Variants in MAP3K5 observed in about 807,000 individuals in gnomAD.
MAP3K5 encodes ASK-1.
In MAP3K5, 56 loss-of-function variants were observed where a neutral mutation model predicts 158.7. That is an observed-to-expected ratio of 0.35 (90% CI 0.28 to 0.44). MAP3K5 has a LOEUF of 0.44. Among genes scored for constraint, MAP3K5 ranks in the 20% least tolerant of loss-of-function variants. The probability of loss-of-function intolerance (pLI) is 1.00; values close to 1 mark genes in which losing one functional copy is unlikely to be tolerated. For missense variants in MAP3K5, 1,294 were observed against 1,674.8 expected, an observed-to-expected ratio of 0.77 and a Z score of 3.97; for synonymous variants, 579 against 601.7, an observed-to-expected ratio of 0.96 and a Z score of 0.55.
At chr6:136,581,442 TA>T (rs561521751) in intron 24 of MAP3K5, among the ~76,000 whole-genome samples, 1 of 152,164 alleles carries the variant, frequency 6.6e-6, no homozygotes, top group South Asian at 2.1e-4. Flanking sequence ...CACAGACCTC[TA>T]AAAAAAGAGG....
chr6:136,691,147 T>C (rs1305371433), intron 7 of MAP3K5, among the ~76,000 whole-genome samples: 1 of 152,222 alleles, frequency 6.6e-6, no homozygotes, highest in Non-Finnish European at 1.5e-5. Flanking sequence ...GAGATAATTT[T>C]CTTTGATATT....
intron 8 of MAP3K5, among the ~76,000 whole-genome samples, chr6:136,660,139 C>A (rs924526575): frequency 2.6e-5 from 4 of 151,948 alleles, no homozygotes; most frequent in Non-Finnish European, 5.9e-5. Flanking sequence ...AAAATCTTAC[C>A]TTTTTTACGC....
In MAP3K5 at chr6:136,584,022, A is replaced by G. The variant is rs140361457; in HGVS notation, c.3226-282T>C. ...TCTCCAAAGGAAAGACCATATTTTG[A>G]ACTATATGGCACCTCTTCAATCCTC... On this transcript the variant is annotated intron_variant, in intron 23 of 29. Coordinates refer to ENST00000359015, the MANE Select transcript of MAP3K5 (RefSeq NM_005923.4). Among the ~76,000 whole-genome samples the G allele has an allele frequency of 5.8e-4, 88 of 152,262 alleles. 1 individual carries two copies. In the Middle Eastern group the frequency reaches 0.014, roughly 24 times the overall value.
chr6:136,738,677 G>A (rs1380092634), intron 1 of MAP3K5, among the ~76,000 whole-genome samples: 6 of 152,034 alleles, frequency 3.9e-5, no homozygotes, highest in South Asian at 4.1e-4. Context: ...TGTAGCATTC[G>A]CTTCTATATG....
intron 7 of MAP3K5, among the ~76,000 whole-genome samples, chr6:136,679,360 T>C (rs943204989): frequency 6.6e-6 from 1 of 152,256 alleles, no homozygotes; most frequent in Non-Finnish European, 1.5e-5. Context: ...AAGTTCTTGC[T>C]ATTTTTCCTT....
chr6:136,751,643 G>A (rs1214174586), intron 1 of MAP3K5, among the ~76,000 whole-genome samples: 1 of 152,212 alleles, frequency 6.6e-6, no homozygotes, highest in Non-Finnish European at 1.5e-5. Context: ...CCTCAGCCTA[G>A]AAAAACTGTG....
At chr6:136,747,262 C>T (rs1352280961) in intron 1 of MAP3K5, among the ~76,000 whole-genome samples, 1 of 152,210 alleles carries the variant, frequency 6.6e-6, no homozygotes. Context: ...AATTCCTTCT[C>T]TTCCAGAAAC....
intron 26 of MAP3K5, among the ~76,000 whole-genome samples, chr6:136,563,971 T>C (rs941338443): frequency 1.3e-4 from 20 of 152,326 alleles, no homozygotes; most frequent in African/African-American, 4.8e-4. Flanking sequence ...GATCTGGGCT[T>C]GTGTCCTGGT....
chr6:136,631,573 C>T (rs896803371), intron 14 of MAP3K5, among the ~76,000 whole-genome samples: 1 of 150,214 alleles, frequency 6.7e-6, no homozygotes, highest in Non-Finnish European at 1.5e-5. Context: ...AGTGCAGTGG[C>T]GCAATCCTAG....
At chr6:136,679,807 T>C (rs1779856263) in intron 7 of MAP3K5, among the ~76,000 whole-genome samples, 1 of 152,174 alleles carries the variant, frequency 6.6e-6, no homozygotes, top group Non-Finnish European at 1.5e-5. Flanking sequence ...GGTATATACT[T>C]AAAATAATTA....
chr6:136,675,511 T>A (rs1201620659), intron 7 of MAP3K5, among the ~76,000 whole-genome samples: 1 of 152,090 alleles, frequency 6.6e-6, no homozygotes, highest in African/African-American at 2.4e-5. Flanking sequence ...ATTGGGCAAC[T>A]CAGTTCATAA....
At chr6:136,727,674 G>A (rs774977052) in intron 1 of MAP3K5, among the ~76,000 whole-genome samples, 1 of 152,140 alleles carries the variant, frequency 6.6e-6, no homozygotes, top group Non-Finnish European at 1.5e-5. Context: ...ATTTAAGAAA[G>A]TTAGGGCCAG....
chr6:136,769,767 GGA>G (rs1784106300), intron 1 of MAP3K5, among the ~76,000 whole-genome samples: 1 of 42,654 alleles, frequency 2.3e-5, no homozygotes, highest in Non-Finnish European at 4.5e-5. Context: ...AAGGAAGGAA[GGA>G]AGGAAGGAAG....
chr6:136,713,565 T>A (rs1048413094), intron 2 of MAP3K5, among the ~76,000 whole-genome samples: 1 of 152,226 alleles, frequency 6.6e-6, no homozygotes, highest in Non-Finnish European at 1.5e-5. Flanking sequence ...CAATTCAAGA[T>A]CTTCAGAGAA....
chr6:136,682,840 C>T (rs985585953), intron 7 of MAP3K5, among the ~76,000 whole-genome samples: 19 of 152,020 alleles, frequency 1.2e-4, no homozygotes, highest in African/African-American at 3.4e-4. Context: ...CCACAATAGC[C>T]CTGATATATG....
At chr6:136,756,316 C>CA (rs1180574325) in intron 1 of MAP3K5, among the ~76,000 whole-genome samples, 1 of 151,922 alleles carries the variant, frequency 6.6e-6, no homozygotes, top group Non-Finnish European at 1.5e-5. Flanking sequence ...AGACCTGTCT[C>CA]AAAAAAACAA....
intron 1 of MAP3K5, among the ~76,000 whole-genome samples, chr6:136,763,445 T>G (rs80076506): frequency 0.03 from 4,612 of 152,276 alleles, 231 homozygotes; most frequent in African/African-American, 0.11. Context: ...CATATGCTCT[T>G]CTGACTGGTT....
chr6:136,562,666 CTT>C, intron 26 of MAP3K5, 51 bp from the exon 27 acceptor site: 1 of 948,500 alleles, frequency 1.1e-6, no homozygotes, highest in Non-Finnish European at 1.6e-6. Context: ...GGGTGACCTT[CTT>C]TTTTTTATTT....
At chr6:136,755,486 C>T (rs548325217) in intron 1 of MAP3K5, among the ~76,000 whole-genome samples, 63 of 152,126 alleles carry the variant, frequency 4.1e-4, no homozygotes, top group Admixed American at 1.4e-3. Flanking sequence ...GCAGGAGGAC[C>T]GCCTGAGCCC....
Sources: allele counts gnomAD v4.1 joint callset (sites outside exome capture counted in the v4.1 genomes callset), GRCh38; gene constraint gnomAD v4.1.1; transcripts MANE v1.5; gene names NCBI Gene and HGNC (gene_info 2026-07-23, HGNC 2026-07-21).